ONECUT1: variants seen among roughly 807,000 people sequenced by gnomAD.
The protein encoded by ONECUT1 is one cut homeobox 1, also known as hepatocyte nuclear factor 6.
Under a neutral mutation model 25.6 loss-of-function variants are expected in ONECUT1, and 12 were observed. The observed-to-expected ratio is 0.47, with a 90% CI of 0.30 to 0.76. The LOEUF (loss-of-function observed/expected upper bound fraction) is 0.76, where lower values mean the gene tolerates loss of function less well. Ranked by LOEUF, ONECUT1 falls within the 30% of genes least tolerant of loss-of-function variation. The pLI is 0.07. For missense variants in ONECUT1, 620 were observed against 651.2 expected (o/e 0.95, Z 0.52); for synonymous variants, 285 against 270.2 (o/e 1.05, Z -0.54).
intron 1 of ONECUT1, among the ~76,000 whole-genome samples, chr15:52,769,504 T>C (rs2083753829): frequency 6.6e-6 from 1 of 152,138 alleles, no homozygotes; most frequent in Non-Finnish European, 1.5e-5. Context: ...ATCAGAAACA[T>C]ATGGGGATAT....
At position 52,789,499 on chromosome 15, in the gene ONECUT1, T is replaced by C. The variant is rs2083903411; in HGVS notation, c.386A>G (p.His129Arg). The change falls in exon 1 of 2, where the codon CAC (histidine) becomes CGC (arginine). Residue 129 changes from histidine (H) to arginine (R), a missense_variant. This residue lies in a region of ONECUT1 where 440 missense variants were observed against 404.9 expected (regional missense o/e 1.09). Coordinates refer to ENST00000305901, the MANE Select transcript of ONECUT1 (RefSeq NM_004498.4). This position sits in a 1 kb window ranked among gnomAD's most constrained non-coding sequence, Gnocchi z 4.1. ...SDKFPHHHHH[H>R]HHHHHPHHHQ... ...GTGGTGCGGGTGGTGGTGGTGATGG[T>C]GGTGGTGGTGATGGTGGGGGAACTT... 1.9e-6 allele frequency: 3 copies of C among 1,611,558 alleles called. No individual in the cohort carries two copies. Among genetic ancestry groups the C allele is most frequent in the East Asian group, 2.2e-5 (1 of 44,830 alleles).
At position 52,770,925 on chromosome 15, in the gene ONECUT1, C is replaced by T. The variant is rs569297944; in HGVS notation, c.1106-13078G>A. 5.9e-5 allele frequency among the ~76,000 whole-genome samples: 9 copies of T among 152,146 alleles called. No homozygotes were observed. In the East Asian group the frequency reaches 1.7e-3, roughly 29 times the overall value. On this transcript the variant is annotated intron_variant, in intron 1 of 1. Coordinates refer to ENST00000305901, the MANE Select transcript of ONECUT1 (RefSeq NM_004498.4). ...TCTGAGCTTGGCAAAGATTTAAAACCTTACTAATCCTCAATGTTGACAAGA... is the reference window on the plus strand; with the variant it reads ...TCTGAGCTTGGCAAAGATTTAAAACTTTACTAATCCTCAATGTTGACAAGA...
At chr15:52,785,190 G>T (rs912489014) in intron 1 of ONECUT1, among the ~76,000 whole-genome samples, 1 of 152,252 alleles carries the variant, frequency 6.6e-6, no homozygotes, top group South Asian at 2.1e-4. Context: ...AAAGCAGGGG[G>T]ACATTTGAAA....
chr15:52,764,895 G>A (rs2083725292), intron 1 of ONECUT1, among the ~76,000 whole-genome samples: 1 of 152,212 alleles, frequency 6.6e-6, no homozygotes, highest in Admixed American at 6.5e-5. Flanking sequence ...GGATTTAGAA[G>A]AGAAACGTCC....
At chr15:52,771,455 G>C (rs942544995) in intron 1 of ONECUT1, among the ~76,000 whole-genome samples, 31 of 151,596 alleles carry the variant, frequency 2.0e-4, no homozygotes, top group African/African-American at 7.5e-4. Flanking sequence ...GTGTGTGTGT[G>C]TGTGTGTGTG....
chr15:52,761,941 C>G (rs2083708453), intron 1 of ONECUT1, among the ~76,000 whole-genome samples: 1 of 152,166 alleles, frequency 6.6e-6, no homozygotes, highest in Non-Finnish European at 1.5e-5. Flanking sequence ...TGTTAAAGGT[C>G]TCCATTAGGT....
chr15:52,777,737 C>CACACACAAAAAAAAA (rs57187579), intron 1 of ONECUT1, among the ~76,000 whole-genome samples: 41 of 103,440 alleles, frequency 4.0e-4, no homozygotes, highest in African/African-American at 1.3e-3. Context: ...CACACACACA[C>CACACACAAAAAAAAA]AAAAAAACAT....
At chr15:52,786,310 C>T (rs1057168799) in intron 1 of ONECUT1, among the ~76,000 whole-genome samples, 1 of 152,252 alleles carries the variant, frequency 6.6e-6, no homozygotes, top group Middle Eastern at 3.2e-3. Flanking sequence ...TTGCAGGAGA[C>T]CCTCCTGGAC....
rs765974071 is a variant in ONECUT1, at chr15:52,789,646, G to T, written c.239C>A (p.Ala80Asp). 8 of 1,551,174 alleles carry T rather than the reference G, an allele frequency of 5.2e-6. No homozygotes were observed. The highest frequency in any genetic ancestry group is 7.0e-6 in the Non-Finnish European group (8 of 1,149,682). ...HHHRAPEHSL[A>D]GPLHPTMTMA... ...GGTCATGGTGGGATGCAGGGGGCCG[G>T]CCAGGCTGTGCTCAGGGGCCCGGTG... Residue 80 changes from alanine (A) to aspartate (D), a missense_variant, in exon 1 of 2, where the codon GCC becomes GAC. Physicochemically the swap from Ala to Asp is moderately radical, Grantham distance 126 (BLOSUM62 -2). This residue lies in a region of ONECUT1 where 440 missense variants were observed against 404.9 expected (regional missense o/e 1.09). Transcript: ENST00000305901. This position sits in a 1 kb window ranked among gnomAD's most constrained non-coding sequence, Gnocchi z 4.1.
chr15:52,779,769 C>T (rs2083828295), intron 1 of ONECUT1, among the ~76,000 whole-genome samples: 1 of 152,214 alleles, frequency 6.6e-6, no homozygotes, highest in Non-Finnish European at 1.5e-5. Context: ...GCAAACTAGC[C>T]TCCGTGACTT....
intron 1 of ONECUT1, among the ~76,000 whole-genome samples, chr15:52,783,382 C>T (rs2083853219): frequency 6.6e-6 from 1 of 152,212 alleles, no homozygotes; most frequent in Non-Finnish European, 1.5e-5. Flanking sequence ...GGCCTAGCGC[C>T]CTAAGAAACT....
Position 52,790,036 on chromosome 15 carries a change from T to TCC in ONECUT1, c.-154_-153dup. ...GGCTCTGTCTCTCTCTCTCTCTCTCTCCGTGTGTGTGTGTCCGTGTGTGCG... is the reference window on the plus strand; with the variant it reads ...GGCTCTGTCTCTCTCTCTCTCTCTCTCCCCGTGTGTGTGTGTCCGTGTGTGCG... On this transcript the variant is annotated 5_prime_UTR_variant, in exon 1 of 2. Transcript: ENST00000305901. 2.6e-6 allele frequency: 3 copies of TCC among 1,163,944 alleles called. No individual in the cohort carries two copies. Among genetic ancestry groups the TCC allele is most frequent in the Non-Finnish European group, 2.2e-6 (2 of 897,634 alleles). 72.1% of individuals were successfully genotyped at this position (1,163,944 alleles called of 1,614,324 possible). A position where few individuals can be genotyped will look rare whatever the true frequency, so the allele number is the denominator to read the frequency against.
chr15:52,763,925 C>T (rs887952953), intron 1 of ONECUT1, among the ~76,000 whole-genome samples: 5 of 152,264 alleles, frequency 3.3e-5, no homozygotes, highest in African/African-American at 9.6e-5. Context: ...ATTATTCATT[C>T]AGGACAGATG....
intron 1 of ONECUT1, among the ~76,000 whole-genome samples, chr15:52,765,803 G>A (rs1314087804): frequency 6.6e-6 from 1 of 152,212 alleles, no homozygotes; most frequent in Non-Finnish European, 1.5e-5. Flanking sequence ...TATAAGCTGT[G>A]TCCCCAGTTG....
At chr15:52,782,395 C>G (rs923400456) in intron 1 of ONECUT1, among the ~76,000 whole-genome samples, 1 of 152,136 alleles carries the variant, frequency 6.6e-6, no homozygotes, top group African/African-American at 2.4e-5. Context: ...TATTAACATA[C>G]TTGTATTAAA....
rs745517098 is a variant in ONECUT1, at chr15:52,789,876, C to A, written c.9G>T (p.Ala3=). The A allele has an allele frequency of 2.0e-6, 3 of 1,537,938 alleles. No individual in the cohort carries two copies. The highest frequency in any genetic ancestry group is 2.6e-6 in the Non-Finnish European group (3 of 1,152,598). MN[A]QLTMEAIGEL... ...CGCCGATCGCTTCCATGGTCAGCTG[C>A]GCGTTCATCGTGATCCGGGCGAGCA... Residue 3 remains alanine, a synonymous_variant, in exon 1 of 2, where the codon GCG becomes GCT. Transcript: ENST00000305901. This position sits in a 1 kb window ranked among gnomAD's most constrained non-coding sequence, Gnocchi z 4.1.
intron 1 of ONECUT1, among the ~76,000 whole-genome samples, chr15:52,778,450 A>G (rs2083818493): frequency 6.6e-6 from 1 of 152,240 alleles, no homozygotes; most frequent in South Asian, 2.1e-4. Context: ...GCCAAAGGGT[A>G]GAATTGCTAG....
rs1411315237 is a variant in ONECUT1 at position 52,789,232 on chromosome 15, A to C, written c.653T>G (p.Phe218Cys). The C allele has an allele frequency of 6.4e-7, 1 of 1,557,170 alleles. No homozygotes were observed. The highest frequency in any genetic ancestry group is 8.7e-7 in the Non-Finnish European group (1 of 1,153,446). Residue 218 changes from phenylalanine to cysteine, a missense_variant, in exon 1 of 2, where the codon TTC becomes TGC. Coordinates refer to ENST00000305901, the MANE Select transcript of ONECUT1 (RefSeq NM_004498.4). The surrounding 1 kb of genome is among the most constrained non-coding windows in gnomAD (Gnocchi z 4.1). ...PTDKMLTPNGFEAHHPAMLGR... is the reference protein window; with the variant it reads ...PTDKMLTPNGCEAHHPAMLGR... ...GAGCATGGCCGGGTGGTGGGCTTCG[A>C]AGCCGTTGGGGGTGAGCATCTTGTC...
chr15:52,766,775 G>T (rs1450191050), intron 1 of ONECUT1, among the ~76,000 whole-genome samples: 2 of 152,198 alleles, frequency 1.3e-5, no homozygotes, highest in Non-Finnish European at 2.9e-5. Context: ...GGCAAAGCCA[G>T]GTCGGGAAAG....
Sources: allele counts gnomAD v4.1 joint callset (sites outside exome capture counted in the v4.1 genomes callset), GRCh38; gene constraint gnomAD v4.1.1; regional missense constraint gnomAD v4.1.1; non-coding constraint Gnocchi (gnomAD v3.1); transcripts MANE v1.5; gene names NCBI Gene and HGNC (gene_info 2026-07-23, HGNC 2026-07-21).